Variants in HLTF observed in about 807,000 individuals in gnomAD.
The protein encoded by HLTF is DNA-dependent ATPase/E3 ubiquitin-protein ligase HLTF.
Under a neutral mutation model 129.4 loss-of-function variants are expected in HLTF, and 127 were observed. The observed-to-expected ratio is 0.98, with a 90% confidence interval of 0.85 to 1.14. The LOEUF (loss-of-function observed/expected upper bound fraction) is 1.14. Among genes scored for constraint, HLTF ranks in the 50% most tolerant of loss-of-function variants. The pLI is 0.00. For synonymous variants in HLTF, 332 were observed against 388.8 expected (o/e 0.85, Z 1.72); for missense variants, 1,139 against 1,187.1 (o/e 0.96, Z 0.60).
At chr3:149,057,103 G>A (rs1331067830) in intron 13 of HLTF, among the ~76,000 whole-genome samples, 2 of 57,648 alleles carry the variant, frequency 3.5e-5, no homozygotes, top group African/African-American at 8.2e-5. Flanking sequence ...GCGAGACTCC[G>A]TCTCAAAAAA....
At position 149,039,179 on chromosome 3, in the gene HLTF, T is replaced by C. The variant is rs2107960138; in HGVS notation, c.2666A>G (p.Lys889Arg). The C allele has an allele frequency of 6.2e-7, 1 of 1,609,796 alleles. No individual in the cohort carries two copies. The highest frequency in any genetic ancestry group is 1.3e-5 in the African/African-American group (1 of 74,756). The change falls in exon 23 of 25, where the codon AAA becomes AGA. Residue 889 changes from lysine (K) to arginine (R), a missense_variant. Transcript: ENST00000310053. ...AAAACACTGAATTGATTCAACTCTT[T>C]TCTTTTGGGCCATGGAACCATCCAA... ...TRLDGSMAQK[K>R]RVESIQCFQN...
intron 13 of HLTF, among the ~76,000 whole-genome samples, chr3:149,056,574 T>A (rs1717455465): frequency 6.6e-6 from 1 of 152,182 alleles, no homozygotes; most frequent in Admixed American, 6.5e-5. Context: ...CCACTGGGGG[T>A]ATGTTCCAAG....
chr3:149,076,017 G>T lies in HLTF; in HGVS notation c.259C>A (p.Arg87=). Residue 87 remains arginine, a synonymous_variant, in exon 3 of 25, where the codon CGA becomes AGA. Transcript: ENST00000310053. ...VNNNEMVALQ[R]DPNNPYDKNA... is the part of the protein sequence containing the mutation. The stretch of plus-strand genomic sequence containing the variant: ...TTATCATAAGGGTTATTAGGATCTC[G>T]TTGTAATGCAACCATTTCATTATTA... 2 of 1,459,316 alleles carry T rather than the reference G, an allele frequency of 1.4e-6. No homozygotes were observed. Among genetic ancestry groups the T allele is most frequent in the Non-Finnish European group, 1.9e-6 (2 of 1,049,666 alleles). 90.4% of individuals were successfully genotyped at this position (1,459,316 alleles called of 1,614,324 possible).
intron 2 of HLTF, among the ~76,000 whole-genome samples, chr3:149,080,045 A>C (rs1403204128): frequency 6.6e-6 from 1 of 152,192 alleles, no homozygotes; most frequent in East Asian, 1.9e-4. Context: ...ACACTAAAAA[A>C]AAAAATCTAT....
chr3:149,048,258 G>C (rs1716716808), intron 16 of HLTF, 95 bp from the exon 17 acceptor site: 1 of 865,190 alleles, frequency 1.2e-6, no homozygotes, highest in African/African-American at 1.7e-5. Flanking sequence ...ATTGAAAATG[G>C]GCACTCTGTA....
chr3:149,059,274 A>G (rs1717719670), intron 13 of HLTF: 1 of 264,726 alleles, frequency 3.8e-6, no homozygotes, highest in African/African-American at 2.3e-5. Flanking sequence ...TCCCATCTCA[A>G]ATATTTAGTC....
At chr3:149,034,807 T>C (rs1361123882) in intron 24 of HLTF, 111 bp downstream of exon 24, 3 of 708,780 alleles carry the variant, frequency 4.2e-6, no homozygotes, top group Middle Eastern at 2.7e-4. Context: ...AGGTGACTTA[T>C]ATTTTGCTCT....
At position 149,071,640 on chromosome 3, in the gene HLTF, G is replaced by C; in HGVS notation, c.645C>G (p.Asp215Glu). ...CTTCTTTTAAATCTTCAAACAATTT[G>C]TCAAATTCTGTTTTAAGCTACAATA... ...MTTEQLKTEF[D>E]KLFEDLKEDD... is the part of the protein sequence containing the mutation. The change falls in exon 6 of 25, where the codon GAC (aspartate) becomes GAG (glutamate). Residue 215 changes from aspartate to glutamate, a missense_variant. By Grantham distance (45) the Asp-to-Glu change is conservative. Coordinates refer to ENST00000310053, the MANE Select transcript of HLTF (RefSeq NM_003071.4). 6.3e-7 allele frequency: 1 copy of C among 1,581,266 alleles called. No homozygotes were observed. Among genetic ancestry groups the C allele is most frequent in the Non-Finnish European group, 8.7e-7 (1 of 1,155,068 alleles).
At chr3:149,059,937 AAAAT>A (rs1304674702) in intron 12 of HLTF, 130 bp from the exon 13 acceptor site, 1 of 615,604 alleles carries the variant, frequency 1.6e-6, no homozygotes, top group Non-Finnish European at 2.8e-6. Context: ...TTATTAAGTT[AAAAT>A]ATTTGGTAAC....
chr3:149,082,445 C>A (rs1719954307), intron 2 of HLTF, among the ~76,000 whole-genome samples: 1 of 151,868 alleles, frequency 6.6e-6, no homozygotes, highest in South Asian at 2.1e-4. Flanking sequence ...AGAAACAGAG[C>A]GAGACTCCGT....
chr3:149,057,089 G>A (rs1357265928), intron 13 of HLTF, among the ~76,000 whole-genome samples: 1 of 120,706 alleles, frequency 8.3e-6, no homozygotes, highest in Non-Finnish European at 1.6e-5. Flanking sequence ...CAGCCTGGGC[G>A]ACAGCGAGAC....
At chr3:149,033,389 A>AATGGG (rs1180593271) in intron 24 of HLTF, among the ~76,000 whole-genome samples, 4 of 152,142 alleles carry the variant, frequency 2.6e-5, no homozygotes, top group African/African-American at 9.7e-5. Flanking sequence ...AGATATCTTA[A>AATGGG]ATGGGATTTT....
intron 18 of HLTF, among the ~76,000 whole-genome samples, chr3:149,044,215 G>GTA (rs1331063647): frequency 5.3e-5 from 8 of 152,100 alleles, no homozygotes; most frequent in Non-Finnish European, 8.8e-5. Flanking sequence ...TAAGATCAAT[G>GTA]TATAACACCT....
chr3:149,046,580 C>G (rs893409170), intron 17 of HLTF, among the ~76,000 whole-genome samples: 2 of 152,152 alleles, frequency 1.3e-5, no homozygotes, highest in African/African-American at 2.4e-5. Flanking sequence ...ACTGTCCTGT[C>G]AACTCCATCA....
rs1270129728 is a variant in HLTF at position 149,071,451 on chromosome 3, TAA to T, written c.703-10_703-9del. On this transcript the variant is annotated splice_polypyrimidine_tract_variant and intron_variant, in intron 6 of 24. Transcript: ENST00000310053. ...CAGTGGTGTTTCAATAGCCTATAAA[TAA>T]AAAGTCATAAAGCGAAATACATTAA... The T allele has an allele frequency of 1.2e-6, 2 of 1,603,324 alleles. No individual in the cohort carries two copies. The highest frequency in any genetic ancestry group is 1.7e-6 in the Non-Finnish European group (2 of 1,173,224).
intron 8 of HLTF, among the ~76,000 whole-genome samples, chr3:149,066,325 A>C (rs540832248): frequency 6.6e-6 from 1 of 152,180 alleles, no homozygotes; most frequent in South Asian, 2.1e-4. Context: ...GGATTACAGG[A>C]ATGAGTCACT....
intron 3 of HLTF, 149 bp downstream of exon 3, chr3:149,075,732 G>T: frequency 2.2e-6 from 1 of 458,988 alleles, no homozygotes. Context: ...GTATGTAAAA[G>T]GAGAAATAAA....
intron 20 of HLTF, among the ~76,000 whole-genome samples, chr3:149,040,809 T>A (rs999521720): frequency 3.3e-5 from 5 of 152,190 alleles, no homozygotes; most frequent in Admixed American, 2.6e-4. Flanking sequence ...AGGCAGCAGA[T>A]ACAGGAATAT....
chr3:149,039,505 T>G (rs1576575693), intron 22 of HLTF, 76 bp downstream of exon 22: 1 of 725,176 alleles, frequency 1.4e-6, no homozygotes, highest in South Asian at 2.6e-5. Flanking sequence ...CAAATTAAGT[T>G]TTTTTTTTTG....
Sources: allele counts gnomAD v4.1 joint callset (sites outside exome capture counted in the v4.1 genomes callset), GRCh38; gene constraint gnomAD v4.1.1; transcripts MANE v1.5; gene names NCBI Gene and HGNC (gene_info 2026-07-23, HGNC 2026-07-21).